Variants in CXADR observed in about 807,000 individuals in gnomAD.
The protein encoded by CXADR is coxsackievirus and adenovirus receptor.
CXADR carries 20 observed loss-of-function variants against 40.3 expected under a neutral mutation model. That is an observed-to-expected ratio of 0.50 (90% CI 0.35 to 0.72). The LOEUF (loss-of-function observed/expected upper bound fraction) is 0.72. Among genes scored for constraint, CXADR ranks in the 30% least tolerant of loss-of-function variants. The pLI is 0.01. For missense variants in CXADR, 332 were observed against 449.1 expected, an observed-to-expected ratio of 0.74 and a Z score of 2.36; for synonymous variants, 150 against 161.3, an observed-to-expected ratio of 0.93 and a Z score of 0.53.
chr21:17,619,541 A>G, the CXADR span, among the ~76,000 whole-genome samples: 1 of 151,438 alleles, frequency 6.6e-6, no homozygotes, highest in African/African-American at 2.4e-5. Flanking sequence ...GTGAGCCAAG[A>G]TGGTGCCATT....
chr21:17,588,496 A>G (rs1336757383), intron 7 of CXADR, among the ~76,000 whole-genome samples: 1 of 152,182 alleles, frequency 6.6e-6, no homozygotes, highest in Non-Finnish European at 1.5e-5. Flanking sequence ...CTTTGAAGCA[A>G]TTGTGAATGG....
chr21:17,534,856 C>G (rs1239822223), intron 1 of CXADR, among the ~76,000 whole-genome samples: 2 of 142,340 alleles, frequency 1.4e-5, no homozygotes, highest in East Asian at 4.5e-4. Flanking sequence ...GCAATCTTGG[C>G]TCACTGCAGC....
rs1384075453 is a variant in CXADR, at chr21:17,585,734, A to G, written c.1018-7418A>G. On this transcript the variant is annotated intron_variant, in intron 7 of 7. Transcript: ENST00000400169. ...GGGGTTTCACCATGTTGGCCAGGAT[A>G]GTCTCGATCTTTTGAGCTCATGATC... Among the ~76,000 whole-genome samples the G allele has an allele frequency of 3.3e-5, 5 of 152,222 alleles. No homozygotes were observed. The South Asian group carries it at 6.2e-4, about 19-fold the overall frequency.
At chr21:17,563,088 T>G (rs1405616574) in intron 6 of CXADR, among the ~76,000 whole-genome samples, 1 of 152,198 alleles carries the variant, frequency 6.6e-6, no homozygotes, top group Non-Finnish European at 1.5e-5. Context: ...ACAATTTGGT[T>G]TGGCTGTTTG....
intron 7 of CXADR, among the ~76,000 whole-genome samples, chr21:17,589,132 T>C (rs977593527): frequency 1.3e-5 from 2 of 152,046 alleles, no homozygotes; most frequent in Admixed American, 1.3e-4. Context: ...ATTTAACATT[T>C]TTCTCATGAA....
chr21:17,523,401 C>T (rs1439831760), intron 1 of CXADR, among the ~76,000 whole-genome samples: 2 of 152,274 alleles, frequency 1.3e-5, no homozygotes, highest in South Asian at 4.2e-4. Flanking sequence ...GTGAGCAGGG[C>T]TGGGCTCTGT....
the CXADR span, among the ~76,000 whole-genome samples, chr21:17,635,465 C>T: frequency 6.6e-6 from 1 of 151,968 alleles, no homozygotes; most frequent in Non-Finnish European, 1.5e-5. Context: ...TTTATGTCAC[C>T]AGCAGGTAAT....
intron 7 of CXADR, among the ~76,000 whole-genome samples, chr21:17,576,430 G>A (rs2061322914): frequency 6.6e-6 from 1 of 152,122 alleles, no homozygotes; most frequent in Admixed American, 6.5e-5. Flanking sequence ...TTATGGGATT[G>A]CTGTTTACAT....
the CXADR span, chr21:17,599,017 G>A: frequency 1.0e-5 from 5 of 497,626 alleles, no homozygotes; most frequent in South Asian, 3.6e-5. Flanking sequence ...TCTACTTCTG[G>A]TCTATTTAAG....
At chr21:17,590,475 G>A (rs1457025130) in intron 7 of CXADR, among the ~76,000 whole-genome samples, 1 of 152,022 alleles carries the variant, frequency 6.6e-6, no homozygotes, top group African/African-American at 2.4e-5. Flanking sequence ...GGAAGTGGGT[G>A]ATGGTTTCTG....
At chr21:17,629,712 C>A in the CXADR span, among the ~76,000 whole-genome samples, 3 of 152,056 alleles carry the variant, frequency 2.0e-5, no homozygotes, top group African/African-American at 7.2e-5. Context: ...GTGGTGGATG[C>A]CTGTAATACC....
chr21:17,525,185 G>C (rs2060584043), intron 1 of CXADR, among the ~76,000 whole-genome samples: 1 of 152,120 alleles, frequency 6.6e-6, no homozygotes, highest in Admixed American at 6.5e-5. Flanking sequence ...CTAAGAAAAT[G>C]CAAATTTCTT....
chr21:17,585,664 C>T (rs2061390139), intron 7 of CXADR, among the ~76,000 whole-genome samples: 1 of 152,158 alleles, frequency 6.6e-6, no homozygotes, highest in Admixed American at 6.5e-5. Flanking sequence ...ATTACAGGCG[C>T]GTGCCACTAC....
chr21:17,559,092 T>C lies in CXADR; in HGVS notation c.532T>C (p.Leu178=). 1 of 1,614,064 alleles carries C rather than the reference T, an allele frequency of 6.2e-7. No individual in the cohort carries two copies. The highest frequency in any genetic ancestry group is 8.5e-7 in the Non-Finnish European group (1 of 1,179,984). The change falls in exon 4 of 7, where the codon TTG becomes CTG. Residue 178 remains leucine (L), a synonymous_variant. Coordinates refer to ENST00000284878, the MANE Select transcript of CXADR (RefSeq NM_001338.5). ...SLPLQYEWQK[L]SDSQKMPTSW... ...TCCATTACAGTATGAGTGGCAAAAA[T>C]TGTCTGACTCACAGAAAATGCCCAC...
At chr21:17,575,736 A>G (rs2061317478) in intron 7 of CXADR, among the ~76,000 whole-genome samples, 1 of 150,120 alleles carries the variant, frequency 6.7e-6, no homozygotes, top group African/African-American at 2.5e-5. Flanking sequence ...CTCGTGATCC[A>G]CCCACCTCAG....
the CXADR span, chr21:17,633,197 A>G: frequency 6.6e-6 from 1 of 152,324 alleles, no homozygotes; most frequent in African/African-American, 2.4e-5. Flanking sequence ...ATTCCTTCCA[A>G]AAGAAACACA....
At chr21:17,628,486 A>T in the CXADR span, among the ~76,000 whole-genome samples, 1 of 152,058 alleles carries the variant, frequency 6.6e-6, no homozygotes, top group African/African-American at 2.4e-5. Context: ...TGAAGGCAGA[A>T]AAACGTCAAT....
chr21:17,582,592 A>T (rs2061369135), intron 7 of CXADR, among the ~76,000 whole-genome samples: 1 of 152,250 alleles, frequency 6.6e-6, no homozygotes, highest in Non-Finnish European at 1.5e-5. Context: ...AGGCAGAAAC[A>T]TCTTTACATC....
the CXADR span, among the ~76,000 whole-genome samples, chr21:17,625,660 T>C: frequency 6.6e-6 from 1 of 152,232 alleles, no homozygotes; most frequent in Non-Finnish European, 1.5e-5. Context: ...AGATCAAGTC[T>C]GTAGTTTTCA....
Sources: gnomAD v4.1 joint callset for allele counts (sites outside exome capture counted in the v4.1 genomes callset) on GRCh38, gnomAD v4.1.1 for gene constraint, MANE v1.5 for transcripts, NCBI Gene and HGNC (gene_info 2026-07-23, HGNC 2026-07-21) for gene names.